Variants in STOX2 observed in about 807,000 individuals in gnomAD.
The protein encoded by STOX2 is storkhead-box protein 2.
STOX2 carries 28 observed loss-of-function variants against 60.9 expected under a neutral mutation model. The observed-to-expected ratio is 0.46, with a 90% CI of 0.34 to 0.63. The LOEUF (loss-of-function observed/expected upper bound fraction) is 0.63, where lower values mean the gene tolerates loss of function less well. Ranked by LOEUF, STOX2 falls within the 30% of genes least tolerant of loss-of-function variation. The pLI is 0.01. For synonymous variants in STOX2, 472 were observed against 463.9 expected (o/e 1.02, Z -0.22); for missense variants, 1,024 against 1,187.7 (o/e 0.86, Z 2.03).
At chr4:183,840,943 C>T (rs952501448) in intron 1 of STOX2, among the ~76,000 whole-genome samples, 20 of 152,164 alleles carry the variant, frequency 1.3e-4, no homozygotes, top group African/African-American at 4.6e-4. Flanking sequence ...TCTCAGCTCG[C>T]TGCAATCTCC....
chr4:183,955,901 T>G (rs1307668303), intron 1 of STOX2, among the ~76,000 whole-genome samples: 2 of 152,328 alleles, frequency 1.3e-5, no homozygotes, highest in African/African-American at 4.8e-5. Flanking sequence ...GCTTTTCTCT[T>G]GCGCCAGTTT....
chr4:183,802,864 G>A (rs373217593), intron 1 of STOX2, among the ~76,000 whole-genome samples: 12 of 152,220 alleles, frequency 7.9e-5, no homozygotes, highest in African/African-American at 2.6e-4. Flanking sequence ...CTCTTGATCC[G>A]CCTGCCTTGG....
rs1001748472 is a variant in STOX2 at position 184,023,059 on chromosome 4, A to G, written c.*5775A>G. ...AGTGACTGAATGTGACTATTGCATTAGGGTAAATGAATTAAGACGTGCAAG... is the reference window on the plus strand; with the variant it reads ...AGTGACTGAATGTGACTATTGCATTGGGGTAAATGAATTAAGACGTGCAAG... On this transcript the variant is annotated 3_prime_UTR_variant, in exon 4 of 4. Transcript: ENST00000308497. 2 of 152,224 alleles carry G rather than the reference A, an allele frequency of 1.3e-5. No homozygotes were observed. Among genetic ancestry groups the G allele is most frequent in the Non-Finnish European group, 2.9e-5 (2 of 68,038 alleles). 9.4% of individuals were successfully genotyped at this position (152,224 alleles called of 1,614,324 possible).
Position 183,906,768 on chromosome 4 carries a change from G to A in STOX2, c.-23G>A. The A allele has an allele frequency of 6.6e-7, 1 of 1,503,888 alleles. No individual in the cohort carries two copies. The highest frequency in any genetic ancestry group is 2.6e-5 in the East Asian group (1 of 38,842). The allele number at this position is 1,503,888 out of a possible 1,614,324, so 93.2% of individuals were successfully genotyped here. The stretch of plus-strand genomic sequence containing the variant: ...CCGGCGCTGAGGCCCCGAGGATCGG[G>A]GCGGCAGGTCGCCCTCCCCACCATG... On this transcript the variant is annotated 5_prime_UTR_variant, in exon 1 of 4. Transcript: ENST00000308497.
rs1367703996 is a variant in STOX2, at chr4:183,856,676, G to T, written c.364+58621G>T. 3.9e-5 allele frequency among the ~76,000 whole-genome samples: 6 copies of T among 152,218 alleles called. No individual in the cohort carries two copies. In the East Asian group the frequency reaches 1.2e-3, roughly 29 times the overall value. On this transcript the variant is annotated intron_variant, in intron 1 of 2. Coordinates refer to the STOX2 transcript ENST00000513034. This position sits in a 1 kb window ranked among gnomAD's most constrained non-coding sequence, Gnocchi z 4.0. ...GTCTCGGACTCGGACCCCGGGGGAT[G>T]ATAGCTCCCTTGCCCAAGAATAATG...
At chr4:183,883,473 C>T (rs1056014645) in intron 1 of STOX2, among the ~76,000 whole-genome samples, 28 of 152,054 alleles carry the variant, frequency 1.8e-4, no homozygotes, top group African/African-American at 6.8e-4. Context: ...GCACCTGCCA[C>T]CACGCCCAGC....
intron 1 of STOX2, among the ~76,000 whole-genome samples, chr4:183,951,231 A>G (rs1394354504): frequency 1.3e-5 from 2 of 151,150 alleles, no homozygotes; most frequent in African/African-American, 2.4e-5. Context: ...AAAGAAAAAA[A>G]AAAAAAAGAC....
At chr4:183,934,133 T>C (rs1194803157) in intron 1 of STOX2, among the ~76,000 whole-genome samples, 1 of 151,354 alleles carries the variant, frequency 6.6e-6, no homozygotes, top group Non-Finnish European at 1.5e-5. Flanking sequence ...CAAAACTCCG[T>C]CTGTACTTAA....
At chr4:183,903,698 A>G (rs922404521), upstream of STOX2, among the ~76,000 whole-genome samples, 1 of 152,216 alleles carries the variant, frequency 6.6e-6, no homozygotes, top group South Asian at 2.1e-4. Context: ...GTACTGAGTA[A>G]TTGTTGAATT....
chr4:183,843,849 G>A (rs1216099652), intron 1 of STOX2, among the ~76,000 whole-genome samples: 3 of 152,092 alleles, frequency 2.0e-5, no homozygotes, highest in Admixed American at 2.0e-4. Flanking sequence ...ATACGTCACT[G>A]TATCTTATAA....
At chr4:183,799,868 G>T (rs1409017122) in intron 1 of STOX2, among the ~76,000 whole-genome samples, 1 of 152,198 alleles carries the variant, frequency 6.6e-6, no homozygotes, top group African/African-American at 2.4e-5. Context: ...GACCTGGGTA[G>T]GTGGCCTGGC....
At chr4:183,925,883 G>GT (rs929862718) in intron 1 of STOX2, among the ~76,000 whole-genome samples, 32 of 148,792 alleles carry the variant, frequency 2.2e-4, no homozygotes, top group East Asian at 5.9e-4. Flanking sequence ...TGAAAACAGG[G>GT]TTTTTTTTTT....
chr4:183,993,701 C>T (rs1020335129), intron 1 of STOX2, among the ~76,000 whole-genome samples: 1 of 152,200 alleles, frequency 6.6e-6, no homozygotes, highest in African/African-American at 2.4e-5. Context: ...CAGCCTTCAA[C>T]TTTTGAAATC....
At chr4:183,967,232 C>T (rs1743600778) in intron 1 of STOX2, among the ~76,000 whole-genome samples, 1 of 152,014 alleles carries the variant, frequency 6.6e-6, no homozygotes, top group African/African-American at 2.4e-5. Flanking sequence ...TGTGGTGGTG[C>T]ATGCCTGTAA....
At chr4:183,930,752 A>C (rs984241698) in intron 1 of STOX2, among the ~76,000 whole-genome samples, 6 of 152,226 alleles carry the variant, frequency 3.9e-5, no homozygotes. Flanking sequence ...TCTGTTTTGG[A>C]GGAAGAGCTC....
Position 183,990,759 on chromosome 4 carries a change from GA to G in STOX2, c.167-10564del, listed in dbSNP as rs373146521. Among the ~76,000 whole-genome samples, 43 of 151,986 alleles carry G rather than the reference GA, an allele frequency of 2.8e-4. No individual in the cohort carries two copies. The East Asian group carries it at 8.2e-3, about 29-fold the overall frequency. On this transcript the variant is annotated intron_variant, in intron 1 of 3. Coordinates refer to ENST00000308497, the MANE Select transcript of STOX2 (RefSeq NM_020225.3). ...TACCCTGAGACAGTGTCACAGCCAG[GA>G]AGCTGCCTTACCCTGCTTGTAAAGA...
chr4:183,912,620 GT>G (rs1192818979), intron 1 of STOX2, among the ~76,000 whole-genome samples: 1 of 152,172 alleles, frequency 6.6e-6, no homozygotes, highest in Non-Finnish European at 1.5e-5. Context: ...CACGACGTTT[GT>G]TTTGTACTTG....
intron 1 of STOX2, among the ~76,000 whole-genome samples, chr4:183,807,102 A>G (rs935575964): frequency 1.9e-4 from 29 of 151,974 alleles, no homozygotes; most frequent in African/African-American, 4.8e-5. Flanking sequence ...CCTCCCGAGT[A>G]GCTGGGACTG....
chr4:183,881,465 G>T (rs879804752), intron 1 of STOX2, among the ~76,000 whole-genome samples: 13 of 152,150 alleles, frequency 8.5e-5, no homozygotes, highest in Non-Finnish European at 1.9e-4. Context: ...TTGCACCACT[G>T]CACTTCAGCC....
Sources: allele counts gnomAD v4.1 joint callset (sites outside exome capture counted in the v4.1 genomes callset), GRCh38; gene constraint gnomAD v4.1.1; non-coding constraint Gnocchi (gnomAD v3.1); transcripts MANE v1.5; gene names NCBI Gene and HGNC (gene_info 2026-07-23, HGNC 2026-07-21).